The following ARHGEF1 variants were observed in gnomAD, a reference collection of about 807,000 sequenced individuals.
ARHGEF1 encodes the protein 115 kDa guanine nucleotide exchange factor.
Under a neutral mutation model 119.7 loss-of-function variants are expected in ARHGEF1, and 40 were observed. The observed-to-expected ratio is 0.33, with a 90% CI of 0.26 to 0.44. The LOEUF (loss-of-function observed/expected upper bound fraction) is 0.44. Ranked by LOEUF, ARHGEF1 falls within the 20% of genes least tolerant of loss-of-function variation. ARHGEF1 has a pLI of 1.00. For synonymous variants in ARHGEF1, 494 were observed against 521.0 expected (o/e 0.95, Z 0.71); for missense variants, 976 against 1,268.3 (o/e 0.77, Z 3.50).
intron 13 of ARHGEF1, chr19:41,897,933 C>T (rs1422015933): frequency 3.1e-6 from 4 of 1,299,844 alleles, no homozygotes; most frequent in East Asian, 3.0e-5. Context: ...CTGTCCTTGG[C>T]CTCGGGGTCC....
chr19:41,905,645 C>G lies in ARHGEF1; in HGVS notation c.2337-115C>G. On this transcript the variant is annotated intron_variant, in intron 24 of 28. Coordinates refer to ENST00000354532, the MANE Select transcript of ARHGEF1 (RefSeq NM_004706.4). This position sits in a 1 kb window ranked among gnomAD's most constrained non-coding sequence, Gnocchi z 6.4. ...CTGTCTCCCTGTCTCCCGGCCTCGA[C>G]CTCTGTCTCTGTCTCCGGACCTCCC... 1 of 1,095,770 alleles carries G rather than the reference C, an allele frequency of 9.1e-7. No individual in the cohort carries two copies. Among genetic ancestry groups the G allele is most frequent in the Non-Finnish European group, 1.3e-6 (1 of 747,528 alleles). 67.9% of individuals were successfully genotyped at this position (1,095,770 alleles called of 1,614,324 possible).
chr19:41,909,225 C>G, downstream of ARHGEF1: 1 of 1,231,228 alleles, frequency 8.1e-7, no homozygotes, highest in Non-Finnish European at 1.0e-6. This position sits in a 1 kb window ranked among gnomAD's most constrained non-coding sequence, Gnocchi z 5.2. Flanking sequence ...GTCCCCTCCC[C>G]AGAGTGGGCA....
exon 3 of ARHGEF1, chr19:41,930,041 G>A (rs901114120): frequency 7.9e-5 from 12 of 152,220 alleles, no homozygotes; most frequent in African/African-American, 2.9e-4. Flanking sequence ...AGGGCGCATG[G>A]AGCACAGCTG....
chr19:41,903,637 C>A lies in ARHGEF1; in HGVS notation c.1840-70C>A. On this transcript the variant is annotated intron_variant, in intron 19 of 28. Transcript: ENST00000354532. The surrounding 1 kb of genome is among the most constrained non-coding windows in gnomAD (Gnocchi z 4.2). ...GAAGTTGGTCTTGGCTCTCATCTTA[C>A]CAATGTGGGTCACTGCAGGTCAGCC... The A allele has an allele frequency of 6.5e-7, 1 of 1,529,242 alleles. No individual in the cohort carries two copies. Among genetic ancestry groups the A allele is most frequent in the Non-Finnish European group, 9.0e-7 (1 of 1,112,964 alleles). 94.7% of individuals were successfully genotyped at this position (1,529,242 alleles called of 1,614,324 possible). A position where few individuals can be genotyped will look rare whatever the true frequency, so the allele number is the denominator to read the frequency against.
intron 13 of ARHGEF1, chr19:41,898,170 G>A (rs1555848298): frequency 7.8e-6 from 11 of 1,411,424 alleles, no homozygotes; most frequent in Non-Finnish European, 1.0e-5. Context: ...AATCAGGGAG[G>A]GATTGTTGTC....
chr19:41,928,413 G>T, intron 1 of ARHGEF1: 1 of 153,480 alleles, frequency 6.5e-6, no homozygotes, highest in South Asian at 2.0e-4. Context: ...GCGCGCGCCG[G>T]GGACAGCCTG....
In ARHGEF1 at chr19:41,898,495, C is replaced by T. The variant is rs1555848392; in HGVS notation, c.1175C>T (p.Pro392Leu). The change falls in exon 14 of 29, where the codon CCA becomes CTA. Residue 392 changes from proline (P) to leucine (L), a missense_variant. Coordinates refer to ENST00000354532, the MANE Select transcript of ARHGEF1 (RefSeq NM_004706.4). ...EPGRSGLELE[P>L]EEPPGWRELV... is the part of the protein sequence containing the mutation. ...GGGCGGTCGGGACTGGAGCTTGAAC[C>T]AGAAGAGCCTCCCGGCTGGCGGGAA... 2 of 1,553,434 alleles carry T rather than the reference C, an allele frequency of 1.3e-6. No homozygotes were observed. The highest frequency in any genetic ancestry group is 1.7e-6 in the Non-Finnish European group (2 of 1,148,398).
At position 41,892,911 on chromosome 19, in the gene ARHGEF1, C is replaced by A; in HGVS notation, c.614+62C>A. 2 of 1,440,568 alleles carry A rather than the reference C, an allele frequency of 1.4e-6. No individual in the cohort carries two copies. The allele number at this position is 1,440,568 out of a possible 1,614,324, so 89.2% of individuals were successfully genotyped here. On this transcript the variant is annotated intron_variant, in intron 7 of 28. Coordinates refer to ENST00000354532, the MANE Select transcript of ARHGEF1 (RefSeq NM_004706.4). The surrounding 1 kb of genome is among the most constrained non-coding windows in gnomAD (Gnocchi z 6.3). ...CCCAGCACAAGGGCACCCGTGCTACCTCTGGCATGTTCCATCCCGTTTGCA... is the reference window on the plus strand; with the variant it reads ...CCCAGCACAAGGGCACCCGTGCTACATCTGGCATGTTCCATCCCGTTTGCA...
Position 41,892,484 on chromosome 19 carries a change from A to T in ARHGEF1, c.367+111A>T. ...TGCTCTGCTCGGACAGCCGAGATTC[A>T]TTCATTCCTTCTTGGCAGCGGCCTC... On this transcript the variant is annotated intron_variant, in intron 6 of 28. Transcript: ENST00000354532. This position sits in a 1 kb window ranked among gnomAD's most constrained non-coding sequence, Gnocchi z 6.3. 1 of 1,590,832 alleles carries T rather than the reference A, an allele frequency of 6.3e-7. No homozygotes were observed. The highest frequency in any genetic ancestry group is 8.6e-7 in the Non-Finnish European group (1 of 1,163,366).
chr19:41,901,097 G>A (rs1261100398), intron 14 of ARHGEF1, among the ~76,000 whole-genome samples: 6 of 150,178 alleles, frequency 4.0e-5, no homozygotes, highest in African/African-American at 1.2e-4. Context: ...CCCCTCAGTG[G>A]CTATTTAAGA....
At chr19:41,898,279 G>A (rs1268297033) in intron 13 of ARHGEF1, 163 bp from the exon 14 acceptor site, 30 of 1,301,752 alleles carry the variant, frequency 2.3e-5, no homozygotes, top group African/African-American at 3.0e-5. Context: ...CTAGAGATCT[G>A]GGAACTCTAG....
In ARHGEF1 at chr19:41,905,670, C is replaced by A; in HGVS notation, c.2337-90C>A. On this transcript the variant is annotated intron_variant, in intron 24 of 28. Coordinates refer to ENST00000354532, the MANE Select transcript of ARHGEF1 (RefSeq NM_004706.4). This position sits in a 1 kb window ranked among gnomAD's most constrained non-coding sequence, Gnocchi z 6.4. ...CCTCTGTCTCTGTCTCCGGACCTCC[C>A]TGCCTCCCCACCTCCAGCTCTCTGT... 7.1e-7 allele frequency: 1 copy of A among 1,400,516 alleles called. No homozygotes were observed. The highest frequency in any genetic ancestry group is 1.0e-6 in the Non-Finnish European group (1 of 1,003,320). The allele number at this position is 1,400,516 out of a possible 1,614,324, so 86.8% of individuals were successfully genotyped here.
chr19:41,886,612 C>G (rs919961036), intron 1 of ARHGEF1, among the ~76,000 whole-genome samples: 28 of 152,182 alleles, frequency 1.8e-4, no homozygotes, highest in African/African-American at 6.8e-4. Context: ...GAATGTTTAA[C>G]AGTACTTGAA....
rs377396950 is a variant in ARHGEF1, at chr19:41,901,912, C to T, written c.1293C>T (p.His431=). 6.5e-5 allele frequency: 105 copies of T among 1,612,090 alleles called. 1 individual carries two copies. The East Asian group carries it at 8.7e-4, about 13-fold the overall frequency. The stretch of plus-strand genomic sequence containing the variant: ...AGCTGCTGGTGACAGAGGCGGCCCA[C>T]GTGCGCATGCTGCGGGTGCTGCACG... The part of the protein sequence containing the change: ...ISELLVTEAA[H]VRMLRVLHDL... The change falls in exon 15 of 29, where the codon CAC becomes CAT. Residue 431 remains histidine, a synonymous_variant. Coordinates refer to ENST00000354532, the MANE Select transcript of ARHGEF1 (RefSeq NM_004706.4).
chr19:41,924,890 A>C (rs1850603083), intron 1 of ARHGEF1, among the ~76,000 whole-genome samples: 2 of 152,234 alleles, frequency 1.3e-5, no homozygotes, highest in Admixed American at 1.3e-4. Flanking sequence ...TTCTTCCTAA[A>C]GGTGTGGTGG....
At chr19:41,899,146 G>A (rs1555848544) in intron 14 of ARHGEF1, among the ~76,000 whole-genome samples, 1 of 151,756 alleles carries the variant, frequency 6.6e-6, no homozygotes, top group East Asian at 1.9e-4. Context: ...GTACCACCAT[G>A]CCTGGCTAAT....
Position 41,905,902 on chromosome 19 carries a change from G to T in ARHGEF1, c.2405-37G>T, listed in dbSNP as rs367732464. 6.2e-7 allele frequency: 1 copy of T among 1,613,592 alleles called. No individual in the cohort carries two copies. Among genetic ancestry groups the T allele is most frequent in the Non-Finnish European group, 8.5e-7 (1 of 1,179,530 alleles). On this transcript the variant is annotated intron_variant, in intron 25 of 28. Coordinates refer to ENST00000354532, the MANE Select transcript of ARHGEF1 (RefSeq NM_004706.4). The surrounding 1 kb of genome is among the most constrained non-coding windows in gnomAD (Gnocchi z 6.4). ...GAAGAGAGGCATCCACAGGAGGCCC[G>T]GCAGGATCTGAGCTCCCTCTCTGTT...
Position 41,904,913 on chromosome 19 carries a change from C to A in ARHGEF1, c.2162-36C>A. The A allele has an allele frequency of 6.4e-7, 1 of 1,571,696 alleles. No homozygotes were observed. The highest frequency in any genetic ancestry group is 8.8e-7 in the Non-Finnish European group (1 of 1,141,728). ...AGGGAGGGGCAGGCACTGGGGGGAC[C>A]TGGGCTCTGAGCCCCATCTCCCCCT... On this transcript the variant is annotated intron_variant, in intron 22 of 28. Coordinates refer to ENST00000354532, the MANE Select transcript of ARHGEF1 (RefSeq NM_004706.4). This position sits in a 1 kb window ranked among gnomAD's most constrained non-coding sequence, Gnocchi z 8.4.
At chr19:41,915,866 G>C (rs377441478) in intron 18 of ARHGEF1, among the ~76,000 whole-genome samples, 6 of 152,312 alleles carry the variant, frequency 3.9e-5, no homozygotes, top group African/African-American at 1.4e-4. Context: ...CTGGCAGGAC[G>C]GCCGGACAGA....
Sources: allele counts gnomAD v4.1 joint callset (sites outside exome capture counted in the v4.1 genomes callset), GRCh38; gene constraint gnomAD v4.1.1; non-coding constraint Gnocchi (gnomAD v3.1); transcripts MANE v1.5; gene names NCBI Gene and HGNC (gene_info 2026-07-23, HGNC 2026-07-21).